The following ATE1 variants were observed in gnomAD, a reference collection of about 807,000 sequenced individuals.
ATE1 encodes the protein arginyl-tRNA--protein transferase 1.
A neutral mutation model predicts 70.5 loss-of-function variants in ATE1; 36 were observed. The observed-to-expected ratio is 0.51, with a 90% CI of 0.39 to 0.67. The LOEUF (loss-of-function observed/expected upper bound fraction) is 0.67, where lower values mean the gene tolerates loss of function less well. Among genes scored for constraint, ATE1 ranks in the 30% least tolerant of loss-of-function variants. The probability of loss-of-function intolerance (pLI) is 0.00; values close to 1 mark genes in which losing one functional copy is unlikely to be tolerated. For synonymous variants in ATE1, 232 were observed against 219.3 expected (o/e 1.06, Z -0.51); for missense variants, 593 against 629.5 (o/e 0.94, Z 0.62).
chr10:121,836,758 A>G lies in ATE1; in HGVS notation c.1217T>C (p.Met406Thr), dbSNP rs1263978169. 3 of 1,601,144 alleles carry G rather than the reference A, an allele frequency of 1.9e-6. No homozygotes were observed. The highest frequency in any genetic ancestry group is 2.6e-6 in the Non-Finnish European group (3 of 1,174,340). ...EKTSQLSYYY[M>T]GFYIHSCPKM... ...GGGACATGAATGAATGTAGAAACCC[A>G]TATAATAATAGCTGAGTTGAGAAGT... Residue 406 changes from methionine (M) to threonine (T), a missense_variant, in exon 10 of 12, where the codon ATG (methionine) becomes ACG (threonine). Physicochemically the swap from Met to Thr is moderately conservative, Grantham distance 81. This residue lies in a region of ATE1 where 36 missense variants were observed against 66.3 expected (regional missense o/e 0.54). Transcript: ENST00000224652.
chr10:121,760,880 C>G (rs931630385), intron 11 of ATE1, among the ~76,000 whole-genome samples: 1 of 152,180 alleles, frequency 6.6e-6, no homozygotes, highest in Non-Finnish European at 1.5e-5. Flanking sequence ...GCCACAGCCA[C>G]CCTGCTATAA....
rs141716201 is a variant in ATE1 at position 121,847,167 on chromosome 10, G to A, written c.976-5904C>T. Among the ~76,000 whole-genome samples the A allele has an allele frequency of 4.9e-4, 75 of 152,260 alleles. 1 individual carries two copies. In the East Asian group the frequency reaches 6.4e-3, roughly 13 times the overall value. On this transcript the variant is annotated intron_variant, in intron 8 of 11. Transcript: ENST00000224652. ...TACCTGTCTTTAAAAATAATCATGC[G>A]GCTGGGCACGGTGTCTCACGCATGT... is the stretch of plus-strand genomic sequence containing the variant.
At chr10:121,780,246 T>C (rs1945926556) in intron 11 of ATE1, among the ~76,000 whole-genome samples, 1 of 152,228 alleles carries the variant, frequency 6.6e-6, no homozygotes, top group Non-Finnish European at 1.5e-5. Flanking sequence ...CTCCACCTCC[T>C]GTTTCTCATT....
intron 11 of ATE1, among the ~76,000 whole-genome samples, chr10:121,788,609 C>A (rs1440109919): frequency 6.6e-6 from 1 of 152,192 alleles, no homozygotes; most frequent in African/African-American, 2.4e-5. Flanking sequence ...TTCCCCACCC[C>A]CTTATCTTTC....
chr10:121,864,117 T>C (rs1326387855), intron 8 of ATE1, among the ~76,000 whole-genome samples: 1 of 152,176 alleles, frequency 6.6e-6, no homozygotes, highest in African/African-American at 2.4e-5. Context: ...ATTTAAAAAA[T>C]TTAAAATTCA....
intron 10 of ATE1, among the ~76,000 whole-genome samples, chr10:121,819,929 T>G (rs921927417): frequency 5.3e-5 from 8 of 151,920 alleles, no homozygotes; most frequent in African/African-American, 1.7e-4. Context: ...GCAGATCACT[T>G]GAGGTCAGGA....
At chr10:121,768,642 C>T (rs1229768091) in intron 11 of ATE1, among the ~76,000 whole-genome samples, 1 of 152,178 alleles carries the variant, frequency 6.6e-6, no homozygotes, top group African/African-American at 2.4e-5. Context: ...CACTGTCATT[C>T]ACCAATCAGA....
At chr10:121,781,872 C>T (rs779419067) in intron 11 of ATE1, among the ~76,000 whole-genome samples, 1 of 152,134 alleles carries the variant, frequency 6.6e-6, no homozygotes, top group Non-Finnish European at 1.5e-5. Context: ...CTATTTCAAA[C>T]GAATGCCAGC....
chr10:121,822,431 C>T (rs899206527), intron 10 of ATE1, among the ~76,000 whole-genome samples: 5 of 152,132 alleles, frequency 3.3e-5, no homozygotes, highest in African/African-American at 9.7e-5. Flanking sequence ...TGCTGGGCAC[C>T]TTCTGTTTCT....
intron 9 of ATE1, among the ~76,000 whole-genome samples, chr10:121,837,752 A>G (rs1218691179): frequency 1.3e-5 from 2 of 152,168 alleles, no homozygotes; most frequent in African/African-American, 2.4e-5. Context: ...CAACCAGACT[A>G]AACAATATTA....
intron 11 of ATE1, among the ~76,000 whole-genome samples, chr10:121,746,586 T>C (rs1944380922): frequency 6.6e-6 from 1 of 152,230 alleles, no homozygotes; most frequent in Non-Finnish European, 1.5e-5. Flanking sequence ...GTCTTCCAGC[T>C]ATAAACTCCT....
intron 10 of ATE1, among the ~76,000 whole-genome samples, chr10:121,814,995 A>G (rs914122221): frequency 6.6e-6 from 1 of 152,256 alleles, no homozygotes; most frequent in Non-Finnish European, 1.5e-5. Flanking sequence ...GAGTGAAAGT[A>G]ATTCAATTCA....
rs997334018 is a variant in ATE1, at chr10:121,741,281, T to C, written c.*2399A>G. The C allele has an allele frequency of 6.6e-6, 1 of 152,114 alleles. No homozygotes were observed. Among genetic ancestry groups the C allele is most frequent in the African/African-American group, 2.4e-5 (1 of 41,402 alleles). 9.4% of individuals were successfully genotyped at this position (152,114 alleles called of 1,614,324 possible). A position where few individuals can be genotyped will look rare whatever the true frequency, so the allele number is the denominator to read the frequency against. On this transcript the variant is annotated 3_prime_UTR_variant, in exon 12 of 12. Coordinates refer to ENST00000224652, the MANE Select transcript of ATE1 (RefSeq NM_001001976.3). Reference sequence around the variant, plus strand: ...GCTGGGGCTCAAAAGGACAAATAGGTGTCCTTTTAAGACACTTTGACTACT... The same window carrying C: ...GCTGGGGCTCAAAAGGACAAATAGGCGTCCTTTTAAGACACTTTGACTACT...
Position 121,927,927 on chromosome 10 carries a change from G to GA in ATE1, c.22dup (p.Ser8PhefsTer10). ...AGGGAAATAGTCCACGACGCTGGGC[G>GA]AACCCCCCGCCCAGAAAGCCATGGC... On this transcript the variant is annotated frameshift_variant, in exon 1 of 12. Transcript: ENST00000224652. LOFTEE classifies it high-confidence loss of function. 1 of 1,577,968 alleles carries GA rather than the reference G, an allele frequency of 6.3e-7. No homozygotes were observed. Among genetic ancestry groups the GA allele is most frequent in the East Asian group, 2.4e-5 (1 of 41,376 alleles).
At chr10:121,855,347 T>C (rs1254155668) in intron 8 of ATE1, among the ~76,000 whole-genome samples, 1 of 152,200 alleles carries the variant, frequency 6.6e-6, no homozygotes. Context: ...ATGGTCTCTG[T>C]TGGATGGATG....
chr10:121,819,665 G>C (rs1345192520), intron 10 of ATE1, among the ~76,000 whole-genome samples: 2 of 89,462 alleles, frequency 2.2e-5, no homozygotes, highest in East Asian at 4.1e-4. Context: ...CTGGGTGACA[G>C]AGCAAGACTG....
intron 10 of ATE1, among the ~76,000 whole-genome samples, chr10:121,811,221 T>C (rs1018601444): frequency 6.6e-6 from 1 of 152,136 alleles, no homozygotes; most frequent in African/African-American, 2.4e-5. Context: ...AAAAATAATA[T>C]GCATGCATAT....
intron 11 of ATE1, among the ~76,000 whole-genome samples, chr10:121,759,772 A>G (rs1259809667): frequency 6.6e-6 from 1 of 152,078 alleles, no homozygotes; most frequent in African/African-American, 2.4e-5. Flanking sequence ...GTGCTAATAT[A>G]GAAGCTACAG....
intron 11 of ATE1, among the ~76,000 whole-genome samples, chr10:121,769,387 C>T (rs1945407853): frequency 6.6e-6 from 1 of 152,140 alleles, no homozygotes; most frequent in Non-Finnish European, 1.5e-5. Context: ...TTACACAAAA[C>T]TTAAACCCAA....
Sources: allele counts gnomAD v4.1 joint callset (sites outside exome capture counted in the v4.1 genomes callset), GRCh38; gene constraint gnomAD v4.1.1; regional missense constraint gnomAD v4.1.1; transcripts MANE v1.5; gene names NCBI Gene and HGNC (gene_info 2026-07-23, HGNC 2026-07-21).